BMPR1B: variants seen among roughly 807,000 people sequenced by gnomAD.
BMPR1B encodes the protein bone morphogenetic protein receptor type 1B.
Under a neutral mutation model 59.1 loss-of-function variants are expected in BMPR1B, and 12 were observed. That is an observed-to-expected ratio of 0.20 (90% CI 0.13 to 0.33). The LOEUF (loss-of-function observed/expected upper bound fraction) is 0.33, where lower values mean the gene tolerates loss of function less well. BMPR1B is among the 10% of genes least tolerant of loss of function. BMPR1B has a pLI of 1.00. For synonymous variants in BMPR1B, 237 were observed against 207.3 expected (o/e 1.14, Z -1.23); for missense variants, 550 against 610.9 (o/e 0.90, Z 1.05).
chr4:94,775,919 G>A (rs925260063), intron 1 of BMPR1B, among the ~76,000 whole-genome samples: 15 of 151,938 alleles, frequency 9.9e-5, no homozygotes, highest in African/African-American at 3.1e-4. Flanking sequence ...GTGAAACCCC[G>A]TCTCTACTAA....
At chr4:94,971,439 G>A (rs1730788701) in intron 2 of BMPR1B, among the ~76,000 whole-genome samples, 1 of 152,064 alleles carries the variant, frequency 6.6e-6, no homozygotes, top group African/African-American at 2.4e-5. Flanking sequence ...GTTAATTGTA[G>A]TGCTAAGTTT....
chr4:94,898,879 T>C (rs1727691656), intron 2 of BMPR1B, among the ~76,000 whole-genome samples: 1 of 152,084 alleles, frequency 6.6e-6, no homozygotes. Context: ...TAATAGCTTG[T>C]ATAGTTGTAT....
At chr4:94,782,513 C>T (rs35416386) in intron 1 of BMPR1B, among the ~76,000 whole-genome samples, 2,801 of 151,864 alleles carry the variant, frequency 0.018, 31 homozygotes, top group Non-Finnish European at 0.028. Context: ...GCCATGTTGC[C>T]CAGGCTGGTC....
Position 95,061,433 on chromosome 4 carries a change from G to T in BMPR1B, c.-17-42975G>T, listed in dbSNP as rs74886493. ...TGAAAAGGAATTTCCTTTCAAGTAA[G>T]AACGGAAGTAGTTTGTGTGTGGGAT... On this transcript the variant is annotated intron_variant, in intron 3 of 12. Coordinates refer to ENST00000515059, the MANE Select transcript of BMPR1B (RefSeq NM_001203.3). Among the ~76,000 whole-genome samples, 1,098 of 152,190 alleles carry T rather than the reference G, an allele frequency of 7.2e-3. 28 individuals carry two copies. Among genetic ancestry groups the T allele is most frequent in the Admixed American group, 0.04 (612 of 15,286 alleles).
At chr4:94,844,223 T>TTG (rs150471976) in intron 1 of BMPR1B, among the ~76,000 whole-genome samples, 21,729 of 146,510 alleles carry the variant, frequency 0.15, 1,973 homozygotes, top group East Asian at 0.32. Context: ...TGAATCATCT[T>TTG]TGTGTGTGTG....
At chr4:95,060,739 A>G (rs1727300286) in intron 3 of BMPR1B, among the ~76,000 whole-genome samples, 3 of 152,146 alleles carry the variant, frequency 2.0e-5, no homozygotes, top group Admixed American at 2.0e-4. Flanking sequence ...GCTCATCCCC[A>G]GTTATATTAA....
At chr4:94,820,786 C>T (rs781575163) in intron 1 of BMPR1B, among the ~76,000 whole-genome samples, 1 of 152,224 alleles carries the variant, frequency 6.6e-6, no homozygotes, top group Non-Finnish European at 1.5e-5. Flanking sequence ...AATTAGAAGA[C>T]ATGTAAATTT....
intron 12 of BMPR1B, among the ~76,000 whole-genome samples, chr4:95,153,267 C>T (rs1296600167): frequency 6.6e-6 from 1 of 152,142 alleles, no homozygotes; most frequent in African/African-American, 2.4e-5. Flanking sequence ...AATCCACCTT[C>T]AGCTTGGCTC....
At chr4:94,827,005 T>C (rs1195211405) in intron 1 of BMPR1B, among the ~76,000 whole-genome samples, 1 of 152,152 alleles carries the variant, frequency 6.6e-6, no homozygotes, top group African/African-American at 2.4e-5. Context: ...AATACTGAAT[T>C]CTAAAAAATC....
intron 3 of BMPR1B, among the ~76,000 whole-genome samples, chr4:95,045,638 C>T (rs138814836): frequency 2.6e-4 from 39 of 152,200 alleles, no homozygotes; most frequent in Non-Finnish European, 4.3e-4. Flanking sequence ...GCCTCCCCCA[C>T]GCAAGTCCAA....
chr4:94,991,860 GACTAT>G (rs1343773922), intron 2 of BMPR1B, among the ~76,000 whole-genome samples: 1 of 152,204 alleles, frequency 6.6e-6, no homozygotes, highest in Non-Finnish European at 1.5e-5. Context: ...GCTGAGAATA[GACTAT>G]ATGGTGACAA....
At chr4:95,120,455 T>C (rs1486692186) in intron 6 of BMPR1B, among the ~76,000 whole-genome samples, 1 of 152,182 alleles carries the variant, frequency 6.6e-6, no homozygotes, top group Non-Finnish European at 1.5e-5. Context: ...GGCATCCTTA[T>C]GAAAAGAAGA....
intron 3 of BMPR1B, among the ~76,000 whole-genome samples, chr4:95,062,162 G>A (rs1727449746): frequency 6.6e-6 from 1 of 151,876 alleles, no homozygotes; most frequent in African/African-American, 2.4e-5. Context: ...TTATAGCAGT[G>A]TAAGAACAGA....
At chr4:95,002,144 C>T (rs1163719169) in intron 3 of BMPR1B, among the ~76,000 whole-genome samples, 1 of 152,134 alleles carries the variant, frequency 6.6e-6, no homozygotes, top group Admixed American at 6.6e-5. Flanking sequence ...CCTCCCTCCA[C>T]CTCTGGTAGT....
intron 2 of BMPR1B, among the ~76,000 whole-genome samples, chr4:94,881,394 A>G (rs1210273548): frequency 6.6e-6 from 1 of 152,044 alleles, no homozygotes; most frequent in Non-Finnish European, 1.5e-5. Context: ...AAGTTACTGC[A>G]TAGGTGATCT....
chr4:95,126,174 G>A (rs951158960), intron 8 of BMPR1B, among the ~76,000 whole-genome samples: 8 of 152,116 alleles, frequency 5.3e-5, no homozygotes, highest in Non-Finnish European at 1.0e-4. Flanking sequence ...GTTATAATTA[G>A]TGGTAATGTT....
chr4:94,791,532 C>G (rs1022030648), intron 1 of BMPR1B, among the ~76,000 whole-genome samples: 3 of 152,112 alleles, frequency 2.0e-5, no homozygotes, highest in Admixed American at 6.5e-5. Context: ...ATATTCTAAT[C>G]ACTTGCAAAG....
At chr4:94,770,182 G>GGTTTTTTTTTTTTTTTTTTTTTTTTTTT (rs1722124953) in intron 1 of BMPR1B, among the ~76,000 whole-genome samples, 1 of 40,016 alleles carries the variant, frequency 2.5e-5, no homozygotes, top group Non-Finnish European at 4.9e-5. Context: ...TCGTTTCTGT[G>GGTTTTTTTTTTTTTTTTTTTTTTTTTTT]TTTGTTTTTT....
intron 2 of BMPR1B, among the ~76,000 whole-genome samples, chr4:94,899,990 G>A (rs1727743711): frequency 6.6e-6 from 1 of 152,028 alleles, no homozygotes; most frequent in Non-Finnish European, 1.5e-5. Context: ...ATAGCAGGTT[G>A]TCACTTCTAG....
Sources: allele counts gnomAD v4.1 joint callset (sites outside exome capture counted in the v4.1 genomes callset), GRCh38; gene constraint gnomAD v4.1.1; transcripts MANE v1.5; gene names NCBI Gene and HGNC (gene_info 2026-07-23, HGNC 2026-07-21).